Variants in DCUN1D4 observed in about 807,000 individuals in gnomAD.
DCUN1D4 encodes the protein defective in cullin neddylation 1 domain containing 4, also known as DCN1-like protein 4.
DCUN1D4 carries 22 observed loss-of-function variants against 47.9 expected under a neutral mutation model. The observed-to-expected ratio is 0.46, with a 90% CI of 0.33 to 0.66. The LOEUF (loss-of-function observed/expected upper bound fraction) is 0.66. Ranked by LOEUF, DCUN1D4 falls within the 30% of genes least tolerant of loss-of-function variation. DCUN1D4 has a pLI of 0.02. For missense variants in DCUN1D4, 301 were observed against 340.8 expected (o/e 0.88, Z 0.92); for synonymous variants, 121 against 112.2 (o/e 1.08, Z -0.50).
In DCUN1D4 at chr4:51,915,600, AACAGGTCAT is replaced by A. The variant is rs1179679505; in HGVS notation, c.*2021_*2029del. The A allele has an allele frequency of 1.3e-5, 2 of 152,590 alleles. No individual in the cohort carries two copies. Among genetic ancestry groups the A allele is most frequent in the Non-Finnish European group, 2.9e-5 (2 of 68,030 alleles). The allele number at this position is 152,590 out of a possible 1,614,324, so 9.5% of individuals were successfully genotyped here. A position where few individuals can be genotyped will look rare whatever the true frequency, so the allele number is the denominator to read the frequency against. On this transcript the variant is annotated 3_prime_UTR_variant, in exon 11 of 11. Coordinates refer to ENST00000334635, the MANE Select transcript of DCUN1D4 (RefSeq NM_001040402.3). ...AGTTAAAAAGTTACACTTTAAAGGC[AACAGGTCAT>A]ACAGTTCTTTAAATCTGATCAACTG...
At chr4:51,852,120 A>T (rs958340923) in intron 1 of DCUN1D4, among the ~76,000 whole-genome samples, 4 of 152,182 alleles carry the variant, frequency 2.6e-5, no homozygotes, top group African/African-American at 9.7e-5. Flanking sequence ...CAGCAGGATC[A>T]GGATCTGGGA....
intron 1 of DCUN1D4, chr4:51,844,349 TGCCCTAAGGTTG>T: frequency 1.0e-6 from 1 of 984,250 alleles, no homozygotes; most frequent in Non-Finnish European, 1.2e-6. Flanking sequence ...ACGGGGTAAG[TGCCCTAAGGTTG>T]GAACTGGCCG....
At chr4:51,882,716 G>A (rs569506470) in intron 5 of DCUN1D4, among the ~76,000 whole-genome samples, 8 of 152,166 alleles carry the variant, frequency 5.3e-5, no homozygotes, top group Non-Finnish European at 8.8e-5. Context: ...GCAGTGAGCC[G>A]AGATTGCACC....
upstream of DCUN1D4, among the ~76,000 whole-genome samples, chr4:51,838,908 C>T (rs765878242): frequency 1.1e-4 from 16 of 152,120 alleles, no homozygotes; most frequent in Non-Finnish European, 1.6e-4. Flanking sequence ...AACCCCGTCT[C>T]TACTAAAAAC....
chr4:51,864,724 A>G (rs1394282417), intron 3 of DCUN1D4, among the ~76,000 whole-genome samples: 1 of 152,180 alleles, frequency 6.6e-6, no homozygotes, highest in East Asian at 1.9e-4. Context: ...CCCTGACCTA[A>G]TTGCCTCCCA....
chr4:51,848,110 C>T, intron 1 of DCUN1D4: 2 of 947,288 alleles, frequency 2.1e-6, no homozygotes, highest in South Asian at 3.1e-5. Flanking sequence ...TTAGATTTTT[C>T]TTCAAGGAAC....
intron 5 of DCUN1D4, among the ~76,000 whole-genome samples, chr4:51,878,508 A>T (rs933659189): frequency 6.6e-6 from 1 of 152,126 alleles, no homozygotes; most frequent in African/African-American, 2.4e-5. Context: ...CAACCTTTAA[A>T]CCAATTTTCC....
upstream of DCUN1D4, among the ~76,000 whole-genome samples, chr4:51,842,798 T>A (rs1721805475): frequency 6.6e-6 from 1 of 152,220 alleles, no homozygotes; most frequent in African/African-American, 2.4e-5. Context: ...TCTTTCTTGG[T>A]GGGTCTCCAG....
upstream of DCUN1D4, among the ~76,000 whole-genome samples, chr4:51,840,314 T>C (rs1440346790): frequency 6.6e-6 from 1 of 151,844 alleles, no homozygotes; most frequent in Non-Finnish European, 1.5e-5. Flanking sequence ...CTGAATGAAA[T>C]ACATAAAAAA....
In DCUN1D4 at chr4:51,874,355, A is replaced by G. The variant is rs1386574857; in HGVS notation, c.221A>G (p.Asp74Gly). The G allele has an allele frequency of 6.2e-7, 1 of 1,613,740 alleles. No homozygotes were observed. Among genetic ancestry groups the G allele is most frequent in the Non-Finnish European group, 8.5e-7 (1 of 1,179,834 alleles). ...RKKRRPASGD[D>G]LSAKKSRHDS... ...AAGAGAAGACCTGCCTCTGGAGATGATTTATCTGCCAAGAAAAGTAGACAT... is the reference window on the plus strand; with the variant it reads ...AAGAGAAGACCTGCCTCTGGAGATGGTTTATCTGCCAAGAAAAGTAGACAT... The change falls in exon 4 of 11, where the codon GAT becomes GGT. Residue 74 changes from aspartate to glycine, a missense_variant. Around this residue, in one of 2 missense-constraint regions of DCUN1D4, gnomAD observed 131 missense variants for 106.3 expected, o/e 1.23. Coordinates refer to ENST00000334635, the MANE Select transcript of DCUN1D4 (RefSeq NM_001040402.3).
intron 1 of DCUN1D4, chr4:51,844,819 G>T: frequency 1.0e-6 from 1 of 985,358 alleles, no homozygotes. Flanking sequence ...GGTTGGGTTG[G>T]GTGCACGTGG....
intron 3 of DCUN1D4, among the ~76,000 whole-genome samples, chr4:51,868,364 A>T (rs1239676295): frequency 6.6e-6 from 1 of 152,210 alleles, no homozygotes; most frequent in Non-Finnish European, 1.5e-5. Flanking sequence ...ACCTCATGGC[A>T]GTGATTGCTC....
rs539235676 is a variant in DCUN1D4 at position 51,844,513 on chromosome 4, G to T, written c.25+1246G>T. The T allele has an allele frequency of 1.3e-4, 78 of 588,948 alleles. No individual in the cohort carries two copies. The Admixed American group carries it at 4.4e-3, about 33-fold the overall frequency. 36.5% of individuals were successfully genotyped at this position (588,948 alleles called of 1,614,324 possible). On this transcript the variant is annotated intron_variant, in intron 1 of 10. Coordinates refer to ENST00000334635, the MANE Select transcript of DCUN1D4 (RefSeq NM_001040402.3). Reference sequence around the variant, plus strand: ...TCGGGCCCTGATGGCCGGGTCGGGGGCTTGGCGCCGGGGAGGTGTCGGGGT... The same window carrying T: ...TCGGGCCCTGATGGCCGGGTCGGGGTCTTGGCGCCGGGGAGGTGTCGGGGT...
At chr4:51,867,439 A>G (rs527605146) in intron 3 of DCUN1D4, among the ~76,000 whole-genome samples, 45 of 152,328 alleles carry the variant, frequency 3.0e-4, no homozygotes, top group Non-Finnish European at 2.5e-4. Context: ...TCCCGCATCC[A>G]GGAAGAATGA....
upstream of DCUN1D4, chr4:51,843,044 G>A (rs867290521): frequency 2.7e-5 from 37 of 1,376,602 alleles, no homozygotes; most frequent in Middle Eastern, 1.9e-3. Flanking sequence ...CGGCGCTATG[G>A]GCACTCCTTT....
intron 7 of DCUN1D4, among the ~76,000 whole-genome samples, chr4:51,893,460 C>G (rs1269184113): frequency 6.6e-6 from 1 of 151,792 alleles, no homozygotes; most frequent in African/African-American, 2.4e-5. Flanking sequence ...GAATGTCCCT[C>G]TGTCGCCCAG....
rs77300808 is a variant in DCUN1D4 at position 51,894,763 on chromosome 4, T to A, written c.506+2912T>A. 5.4e-3 allele frequency among the ~76,000 whole-genome samples: 821 copies of A among 152,374 alleles called. 3 individuals are homozygous for A. Among genetic ancestry groups the A allele is most frequent in the African/African-American group, 0.019 (789 of 41,588 alleles). Reference sequence around the variant, plus strand: ...ATTTTATTAAACCTATCTAATGAAATATTTTGATCTCAAACTAGAATTAAC... The same window carrying A: ...ATTTTATTAAACCTATCTAATGAAAAATTTTGATCTCAAACTAGAATTAAC... On this transcript the variant is annotated intron_variant, in intron 7 of 10. Transcript: ENST00000334635.
At position 51,843,266 on chromosome 4, in the gene DCUN1D4, C is replaced by T. The variant is rs1461085290; in HGVS notation, c.24C>T (p.Val8=). 1.9e-6 allele frequency: 3 copies of T among 1,539,814 alleles called. No individual in the cohort carries two copies. Among genetic ancestry groups the T allele is most frequent in the Non-Finnish European group, 1.7e-6 (2 of 1,143,072 alleles). Residue 8 remains valine, a splice_region_variant and synonymous_variant, in exon 1 of 11, where the codon GTC becomes GTT. Transcript: ENST00000334635. MHSDAAA[V]NFQLNSHLST... is the part of the protein sequence containing the mutation. The stretch of plus-strand genomic sequence containing the variant: ...AAATGCACTCGGATGCCGCCGCTGT[C>T]AGTGAGTAGCAGAGAGCCAGCCAGC...
chr4:51,886,503 T>C (rs1729496760), intron 5 of DCUN1D4, 65 bp from the exon 6 acceptor site: 2 of 1,421,026 alleles, frequency 1.4e-6, no homozygotes, highest in Non-Finnish European at 2.0e-6. Context: ...AGTATAATAC[T>C]ACTACAGTGG....
Sources: gnomAD v4.1 joint callset for allele counts (sites outside exome capture counted in the v4.1 genomes callset) on GRCh38, gnomAD v4.1.1 for gene constraint, gnomAD v4.1.1 regional missense constraint, MANE v1.5 for transcripts, NCBI Gene and HGNC (gene_info 2026-07-23, HGNC 2026-07-21) for gene names.